The following DPP10 variants were observed in gnomAD, a reference collection of about 807,000 sequenced individuals.
DPP10 encodes inactive dipeptidyl peptidase 10.
DPP10 carries 33 observed loss-of-function variants against 120.9 expected under a neutral mutation model. That is an observed-to-expected ratio of 0.27 (90% confidence interval 0.21 to 0.37). The LOEUF is 0.37. Among genes scored for constraint, DPP10 ranks in the 10% least tolerant of loss-of-function variants. The pLI is 1.00. For synonymous variants in DPP10, 337 were observed against 326.1 expected (o/e 1.03, Z -0.36); for missense variants, 816 against 942.8 (o/e 0.87, Z 1.76).
chr2:115,778,446 T>C (rs1005778180), intron 15 of DPP10, among the ~76,000 whole-genome samples: 1 of 152,092 alleles, frequency 6.6e-6, no homozygotes, highest in Admixed American at 6.6e-5. Context: ...AGGCTTAAGC[T>C]CACACCTATT....
In DPP10 at chr2:115,809,302, T is replaced by C. The variant is rs571850911; in HGVS notation, c.1701-5491T>C. On this transcript the variant is annotated intron_variant, in intron 19 of 25. Transcript: ENST00000410059. ...AAAGAGGGCAAACTTCATTATACTT[T>C]AGATACACATATGCTGCAACTAAAT... Among the ~76,000 whole-genome samples, 11 of 152,340 alleles carry C rather than the reference T, an allele frequency of 7.2e-5. No individual in the cohort carries two copies. The South Asian group carries it at 2.1e-3, about 29-fold the overall frequency.
chr2:115,343,304 G>C (rs1474675960), intron 2 of DPP10, among the ~76,000 whole-genome samples: 1 of 152,030 alleles, frequency 6.6e-6, no homozygotes, highest in East Asian at 1.9e-4. Flanking sequence ...CTTTGTATTT[G>C]TTGGGTACTA....
At chr2:115,705,901 A>G (rs1442536756) in intron 7 of DPP10, among the ~76,000 whole-genome samples, 1 of 151,850 alleles carries the variant, frequency 6.6e-6, no homozygotes, top group Non-Finnish European at 1.5e-5. Flanking sequence ...GAAAATCAAT[A>G]CCAAGCAGCT....
At chr2:115,310,474 G>T (rs2061532265) in intron 2 of DPP10, among the ~76,000 whole-genome samples, 1 of 152,046 alleles carries the variant, frequency 6.6e-6, no homozygotes, top group Non-Finnish European at 1.5e-5. Flanking sequence ...TAAATAAACT[G>T]CCAAAAATGC....
intron 11 of DPP10, among the ~76,000 whole-genome samples, chr2:115,755,919 G>A (rs959613620): frequency 3.1e-5 from 4 of 128,450 alleles, no homozygotes; most frequent in Admixed American, 8.8e-5. Context: ...ATATATGTAT[G>A]CTTTTTTAAA....
rs571490007 is a variant in DPP10, at chr2:115,221,651, A to G, written c.61-87588A>G. On this transcript the variant is annotated intron_variant, in intron 1 of 25. Transcript: ENST00000410059. ...TGACTCTTTGAAAAAGATTGGTAGCATTATTCAATACAATCATGGACACTA... is the reference window on the plus strand; with the variant it reads ...TGACTCTTTGAAAAAGATTGGTAGCGTTATTCAATACAATCATGGACACTA... Among the ~76,000 whole-genome samples, 6 of 151,926 alleles carry G rather than the reference A, an allele frequency of 3.9e-5. No homozygotes were observed. The East Asian group carries it at 1.2e-3, about 29-fold the overall frequency.
intron 1 of DPP10, among the ~76,000 whole-genome samples, chr2:114,573,387 A>C (rs1026557756): frequency 3.3e-5 from 5 of 152,200 alleles, no homozygotes; most frequent in African/African-American, 1.2e-4. Context: ...GGCATCTTGG[A>C]GTGTGAACAA....
At chr2:114,970,850 A>G (rs1699345696) in intron 1 of DPP10, among the ~76,000 whole-genome samples, 1 of 152,168 alleles carries the variant, frequency 6.6e-6, no homozygotes, top group African/African-American at 2.4e-5. Context: ...TGGATGACTG[A>G]GTTAAACACA....
chr2:114,468,098 G>A (rs1169300998), intron 1 of DPP10, among the ~76,000 whole-genome samples: 3 of 152,096 alleles, frequency 2.0e-5, no homozygotes, highest in Non-Finnish European at 4.4e-5. Context: ...TCAGGTGCTG[G>A]TAGGGTCTTT....
intron 1 of DPP10, among the ~76,000 whole-genome samples, chr2:114,676,084 GC>G (rs1321866412): frequency 2.6e-5 from 4 of 152,152 alleles, no homozygotes; most frequent in Non-Finnish European, 5.9e-5. Context: ...ACTGGCATGA[GC>G]CACCATGCCC....
chr2:114,452,944 C>A (rs929971379), intron 1 of DPP10, among the ~76,000 whole-genome samples: 3 of 151,732 alleles, frequency 2.0e-5, no homozygotes, highest in African/African-American at 7.2e-5. Context: ...CTTTGAGTTT[C>A]TTTTTAAGAA....
At chr2:115,471,308 CA>C (rs1353658722) in intron 3 of DPP10, among the ~76,000 whole-genome samples, 1 of 152,156 alleles carries the variant, frequency 6.6e-6, no homozygotes, top group Non-Finnish European at 1.5e-5. Context: ...GCCTTTGTAT[CA>C]GTGTTTCAGT....
chr2:114,877,474 T>G (rs1691250352), intron 1 of DPP10, among the ~76,000 whole-genome samples: 1 of 152,176 alleles, frequency 6.6e-6, no homozygotes, highest in South Asian at 2.1e-4. Flanking sequence ...TCCTGCTTAC[T>G]CAATCACAGA....
At chr2:114,937,851 A>C (rs1372849933) in intron 1 of DPP10, among the ~76,000 whole-genome samples, 1 of 152,188 alleles carries the variant, frequency 6.6e-6, no homozygotes, top group East Asian at 1.9e-4. Context: ...ATGGGCAACT[A>C]AGTTAAGAAC....
At chr2:114,706,758 A>G (rs1700713317) in intron 1 of DPP10, among the ~76,000 whole-genome samples, 1 of 152,206 alleles carries the variant, frequency 6.6e-6, no homozygotes, top group African/African-American at 2.4e-5. Flanking sequence ...AACCCACTAC[A>G]GATCTCTTGG....
chr2:115,376,071 A>T (rs547214921), intron 3 of DPP10, among the ~76,000 whole-genome samples: 41 of 152,252 alleles, frequency 2.7e-4, no homozygotes, highest in African/African-American at 8.4e-4. Flanking sequence ...TGATGCAGTA[A>T]ATTTAGCCCA....
chr2:114,967,009 A>G (rs1305763972), intron 1 of DPP10, among the ~76,000 whole-genome samples: 1 of 152,098 alleles, frequency 6.6e-6, no homozygotes, highest in East Asian at 1.9e-4. Flanking sequence ...ACCATTGTAC[A>G]CCAGTCTGGG....
chr2:115,803,052 T>C (rs1381826899), intron 19 of DPP10, among the ~76,000 whole-genome samples: 3 of 152,148 alleles, frequency 2.0e-5, no homozygotes, highest in Admixed American at 6.5e-5. Context: ...CCCATTATTA[T>C]TGTGTGGGAT....
intron 3 of DPP10, among the ~76,000 whole-genome samples, chr2:115,416,239 C>G (rs975097659): frequency 6.6e-6 from 1 of 152,064 alleles, no homozygotes; most frequent in African/African-American, 2.4e-5. Flanking sequence ...AAGGTAGATT[C>G]AAGGTTGATA....
Sources: allele counts gnomAD v4.1 joint callset (sites outside exome capture counted in the v4.1 genomes callset), GRCh38; gene constraint gnomAD v4.1.1; transcripts MANE v1.5; gene names NCBI Gene and HGNC (gene_info 2026-07-23, HGNC 2026-07-21).